CXorf38: variants seen among roughly 807,000 people sequenced by gnomAD.
CXorf38 encodes uncharacterized protein CXorf38.
CXorf38 carries 13 observed loss-of-function variants against 27.5 expected under a neutral mutation model. That is an observed-to-expected ratio of 0.47 (90% CI 0.31 to 0.75). The LOEUF is 0.75. CXorf38 is among the 30% of genes least tolerant of loss of function. CXorf38 has a pLI of 0.05. For synonymous variants in CXorf38, 100 were observed against 99.8 expected (o/e 1.00, Z -0.01); for missense variants, 240 against 253.2 (o/e 0.95, Z 0.35).
intron 3 of CXorf38, among the ~76,000 whole-genome samples, chrX:40,638,078 CAA>C (rs1395712174): frequency 8.9e-6 from 1 of 112,168 alleles, no homozygotes; most frequent in East Asian, 2.8e-4. Flanking sequence ...GCAGACAATA[CAA>C]AAGTCTTTTA....
intron 5 of CXorf38, among the ~76,000 whole-genome samples, chrX:40,633,924 G>C (rs1415899629): frequency 9.0e-6 from 1 of 110,958 alleles, no homozygotes; most frequent in East Asian, 2.8e-4. Flanking sequence ...CCGAATTCTG[G>C]GGCAGATGAG....
intron 5 of CXorf38, among the ~76,000 whole-genome samples, chrX:40,632,258 C>T (rs1259020334): frequency 2.7e-5 from 3 of 111,743 alleles, no homozygotes; most frequent in Admixed American, 1.9e-4. Context: ...GGGTGCCCCT[C>T]CACTTGAGCG....
chrX:40,635,923 A>G (rs1928045785), intron 5 of CXorf38, among the ~76,000 whole-genome samples: 1 of 112,440 alleles, frequency 8.9e-6, no homozygotes, highest in South Asian at 3.6e-4. Flanking sequence ...CACAAGAGTT[A>G]ACTTTCTAAA....
intron 2 of CXorf38, 30 bp downstream of exon 2, chrX:40,646,977 C>T (rs1371348912): frequency 8.3e-7 from 1 of 1,200,881 alleles, no homozygotes; most frequent in Admixed American, 2.3e-5. Context: ...CCCGCCGCTT[C>T]CTCCTTCCGT....
chrX:40,629,256 T>A lies in CXorf38; in HGVS notation c.*908A>T, dbSNP rs1479725578. The A allele has an allele frequency of 1.8e-5, 2 of 111,520 alleles. No individual in the cohort carries two copies. Among genetic ancestry groups the A allele is most frequent in the African/African-American group, 6.5e-5 (2 of 30,653 alleles). 9.2% of individuals were successfully genotyped at this position (111,520 alleles called of 1,213,427 possible). On this transcript the variant is annotated 3_prime_UTR_variant, in exon 7 of 7. Coordinates refer to ENST00000327877, the MANE Select transcript of CXorf38 (RefSeq NM_144970.3). ...GTCTCAAACTCCTGGGCTCAAGTGA[T>A]CCGCCCACAGTGCTGGGATTACAGG...
At chrX:40,636,744 A>C in intron 4 of CXorf38, 32 bp from the exon 5 acceptor site, 4 of 1,126,408 alleles carry the variant, frequency 3.6e-6, no homozygotes, top group Non-Finnish European at 4.8e-6. Flanking sequence ...ATATGAACTG[A>C]TTTCATGAAG....
Position 40,640,169 on chromosome X carries a change from T to TA in CXorf38, c.352-1042dup, listed in dbSNP as rs755130567. On this transcript the variant is annotated intron_variant, in intron 2 of 6. Coordinates refer to ENST00000327877, the MANE Select transcript of CXorf38 (RefSeq NM_144970.3). ...AACAAAGCAAGACTCCCATCTCTAT[T>TA]AAAAAAAAAAATTAGCCATGCATTG... The TA allele has an allele frequency of 9.8e-3, 2,311 of 236,000 alleles. 1 individual carries two copies. The highest frequency in any genetic ancestry group is 0.014 in the Admixed American group (315 of 22,518). 19.4% of individuals were successfully genotyped at this position (236,000 alleles called of 1,213,427 possible). A position where few individuals can be genotyped will look rare whatever the true frequency, so the allele number is the denominator to read the frequency against.
intron 2 of CXorf38, among the ~76,000 whole-genome samples, chrX:40,641,007 T>C (rs1427476183): frequency 9.4e-6 from 1 of 106,761 alleles, no homozygotes; most frequent in Non-Finnish European, 1.9e-5. Context: ...AACTAACTTA[T>C]CACAGGCAAA....
In CXorf38 at chrX:40,631,243, GTA is replaced by G. The variant is rs779122974; in HGVS notation, c.802-472_802-471del. Among the ~76,000 whole-genome samples, 429 of 60,525 alleles carry G rather than the reference GTA, an allele frequency of 7.1e-3. 1 individual carries two copies. The highest frequency in any genetic ancestry group is 0.011 in the South Asian group (10 of 938). 52.6% of individuals were successfully genotyped at this position (60,525 alleles called of 115,157 possible). On this transcript the variant is annotated intron_variant, in intron 5 of 6. Transcript: ENST00000327877. ...TACATGTGTATATATATGTGTGTAT[GTA>G]TATATATATACACACACACACACAC...
Position 40,630,712 on chromosome X carries a change from C to T in CXorf38, c.863G>A (p.Gly288Asp). Reference sequence around the variant, plus strand: ...TAGCTTCTGCATATCTTCTGTAAGGCCATTTCTAAGATCCTCATTGTTTCT... The same window carrying T: ...TAGCTTCTGCATATCTTCTGTAAGGTCATTTCTAAGATCCTCATTGTTTCT... Reference protein sequence around the residue: ...FLRNNEDLRNGLTEDMQKLDS... With the variant: ...FLRNNEDLRNDLTEDMQKLDS... Residue 288 changes from glycine (G) to aspartate (D), a missense_variant, in exon 6 of 7, where the codon GGC (glycine) becomes GAC (aspartate). By Grantham distance (94) the Gly-to-Asp change is moderately conservative. Coordinates refer to ENST00000327877, the MANE Select transcript of CXorf38 (RefSeq NM_144970.3). 2 of 1,209,988 alleles carry T rather than the reference C, an allele frequency of 1.7e-6. No homozygotes were observed. Among genetic ancestry groups the T allele is most frequent in the Non-Finnish European group, 2.2e-6 (2 of 894,043 alleles).
intron 5 of CXorf38, among the ~76,000 whole-genome samples, chrX:40,632,908 C>G (rs1040563332): frequency 3.3e-4 from 37 of 112,167 alleles, no homozygotes; most frequent in African/African-American, 1.2e-3. Context: ...TCCTTTTTAA[C>G]TACATTCATT....
chrX:40,641,511 C>T lies in CXorf38; in HGVS notation c.352-2383G>A, dbSNP rs761803623. On this transcript the variant is annotated intron_variant, in intron 2 of 6. Transcript: ENST00000327877. Reference sequence around the variant, plus strand: ...CAAATGATCCTCCCAACTCAGCCTCCCAAGTACCTGTGAGGATTACAGGCA... The same window carrying T: ...CAAATGATCCTCCCAACTCAGCCTCTCAAGTACCTGTGAGGATTACAGGCA... 6.3e-5 allele frequency among the ~76,000 whole-genome samples: 7 copies of T among 111,538 alleles called. No homozygotes were observed. The Admixed American group carries it at 6.6e-4, about 11-fold the overall frequency.
chrX:40,645,754 C>G (rs1172595397), intron 2 of CXorf38, among the ~76,000 whole-genome samples: 1 of 110,932 alleles, frequency 9.0e-6, no homozygotes, highest in Non-Finnish European at 1.9e-5. Flanking sequence ...GTAGCTGGGA[C>G]TACAGGCATG....
At chrX:40,645,142 C>G (rs942609019) in intron 2 of CXorf38, among the ~76,000 whole-genome samples, 2 of 111,431 alleles carry the variant, frequency 1.8e-5, no homozygotes, top group African/African-American at 3.3e-5. Flanking sequence ...CTCAAAGAGG[C>G]GGAAGTAGTA....
chrX:40,639,046 C>G lies in CXorf38; in HGVS notation c.434G>C (p.Cys145Ser). The change falls in exon 3 of 7, where the codon TGC (cysteine) becomes TCC (serine). Residue 145 changes from cysteine to serine, a missense_variant. Physicochemically the swap from Cys to Ser is moderately radical, Grantham distance 112. Coordinates refer to ENST00000327877, the MANE Select transcript of CXorf38 (RefSeq NM_144970.3). Reference protein sequence around the residue: ...AVALLSLINSCDHFVVDRKKV... With the variant: ...AVALLSLINSSDHFVVDRKKV... ...CTTTCGATCAACCACGAAGTGATCG[C>G]AGGAGTTGATGAGACTTAAAAGAGC... The G allele has an allele frequency of 8.3e-7, 1 of 1,211,065 alleles. No individual in the cohort carries two copies. The highest frequency in any genetic ancestry group is 1.1e-6 in the Non-Finnish European group (1 of 894,921).
chrX:40,641,644 G>A (rs775525187), intron 2 of CXorf38, among the ~76,000 whole-genome samples: 1 of 111,525 alleles, frequency 9.0e-6, no homozygotes, highest in African/African-American at 3.3e-5. Flanking sequence ...CGCCTGCTTC[G>A]GCCTCCCAAA....
intron 5 of CXorf38, among the ~76,000 whole-genome samples, chrX:40,636,061 T>C (rs1928052492): frequency 8.9e-6 from 1 of 112,853 alleles, no homozygotes; most frequent in Non-Finnish European, 1.9e-5. Flanking sequence ...AACCTGGCCA[T>C]AGCTCGTGTG....
At chrX:40,633,086 T>C (rs753745091) in intron 5 of CXorf38, among the ~76,000 whole-genome samples, 6 of 110,940 alleles carry the variant, frequency 5.4e-5, no homozygotes, top group African/African-American at 1.6e-4. Context: ...ACATCACCTC[T>C]ACACTTCTAC....
At chrX:40,636,288 C>T (rs897587197) in intron 5 of CXorf38, among the ~76,000 whole-genome samples, 4 of 112,426 alleles carry the variant, frequency 3.6e-5, no homozygotes, top group Non-Finnish European at 5.6e-5. Context: ...TCTATTGTAG[C>T]CTTTATCACA....
Sources: allele counts gnomAD v4.1 joint callset (sites outside exome capture counted in the v4.1 genomes callset), GRCh38; gene constraint gnomAD v4.1.1; transcripts MANE v1.5; gene names NCBI Gene and HGNC (gene_info 2026-07-23, HGNC 2026-07-21).